ZDHHC2: variants seen among roughly 807,000 people sequenced by gnomAD.
ZDHHC2 encodes the protein zDHHC palmitoyltransferase 2, also known as palmitoyltransferase ZDHHC2.
ZDHHC2 carries 51 observed loss-of-function variants against 55.6 expected under a neutral mutation model. The observed-to-expected ratio is 0.92, with a 90% CI of 0.73 to 1.16. The LOEUF is 1.16. Among genes scored for constraint, ZDHHC2 ranks in the 50% most tolerant of loss-of-function variants. The pLI is 0.00. For missense variants in ZDHHC2, 491 were observed against 442.4 expected (o/e 1.11, Z -0.99); for synonymous variants, 199 against 152.9 (o/e 1.30, Z -2.22).
At chr8:17,219,686 A>T (rs1807823917) in intron 12 of ZDHHC2, among the ~76,000 whole-genome samples, 1 of 152,154 alleles carries the variant, frequency 6.6e-6, no homozygotes, top group Non-Finnish European at 1.5e-5. Flanking sequence ...GGATGAGAGG[A>T]TGACTTGAGC....
At chr8:17,197,865 C>T (rs1806402318) in intron 5 of ZDHHC2, among the ~76,000 whole-genome samples, 1 of 152,172 alleles carries the variant, frequency 6.6e-6, no homozygotes, top group South Asian at 2.1e-4. Flanking sequence ...TCACGGTGCC[C>T]TGAAGTATGT....
intron 2 of ZDHHC2, 37 bp downstream of exon 2, chr8:17,184,852 A>G (rs1407088651): frequency 4.0e-6 from 6 of 1,497,740 alleles, no homozygotes; most frequent in Non-Finnish European, 5.4e-6. Flanking sequence ...GATTTTTTAA[A>G]TAGTTTGAAA....
chr8:17,216,973 GGAGA>G lies in ZDHHC2; in HGVS notation c.1064-194_1064-191del, dbSNP rs1476403006. ...CTGTTTTTAGTGTTTTGTGTGTGTG[GGAGA>G]GAGATAGTGGTTGTAACTGACACTG... On this transcript the variant is annotated intron_variant, in intron 11 of 12. Coordinates refer to ENST00000262096, the MANE Select transcript of ZDHHC2 (RefSeq NM_016353.5). Among the ~76,000 whole-genome samples, 7 of 152,102 alleles carry G rather than the reference GGAGA, an allele frequency of 4.6e-5. No individual in the cohort carries two copies. The East Asian group carries it at 1.4e-3, about 29-fold the overall frequency.
rs375975190 is a variant in ZDHHC2, at chr8:17,205,738, C to T, written c.560C>T (p.Ala187Val). The change falls in exon 7 of 13, where the codon GCG becomes GTG. Residue 187 changes from alanine to valine, a missense_variant. Ala to Val is a moderately conservative substitution (Grantham distance 64). Transcript: ENST00000262096. ...TCTCTGCTCTACTGCCTTTTTATTG[C>T]GGCAACAGATTTACAGTATTTTATC... ...AYSLLYCLFIAATDLQYFIKF... is the reference protein window; with the variant it reads ...AYSLLYCLFIVATDLQYFIKF... 315 of 1,607,874 alleles carry T rather than the reference C, an allele frequency of 2.0e-4. 4 individuals are homozygous for T. In the South Asian group the frequency reaches 2.3e-3, roughly 12 times the overall value.
At chr8:17,198,572 G>A (rs1312631125) in intron 6 of ZDHHC2, among the ~76,000 whole-genome samples, 159 bp downstream of exon 6, 3 of 152,160 alleles carry the variant, frequency 2.0e-5, no homozygotes, top group Non-Finnish European at 2.9e-5. Flanking sequence ...ACTTAAAAGA[G>A]CCTTTATTTA....
intron 3 of ZDHHC2, 101 bp from the exon 4 acceptor site, chr8:17,195,403 C>G (rs1427724902): frequency 6.0e-5 from 80 of 1,325,478 alleles, no homozygotes; most frequent in Non-Finnish European, 7.9e-5. Context: ...TACAATATAC[C>G]ATTAATATTT....
intron 1 of ZDHHC2, among the ~76,000 whole-genome samples, chr8:17,178,149 G>T (rs1805243420): frequency 6.6e-6 from 1 of 152,116 alleles, no homozygotes; most frequent in Non-Finnish European, 1.5e-5. Context: ...ATGACTAAAA[G>T]TTCAACTAGA....
At chr8:17,218,298 T>C (rs1291209509) in intron 12 of ZDHHC2, among the ~76,000 whole-genome samples, 2 of 152,176 alleles carry the variant, frequency 1.3e-5, no homozygotes, top group African/African-American at 2.4e-5. Flanking sequence ...ATGAATGTAA[T>C]TTTAGAGTAT....
intron 1 of ZDHHC2, among the ~76,000 whole-genome samples, chr8:17,160,108 C>T (rs1804260610): frequency 6.6e-6 from 1 of 152,212 alleles, no homozygotes; most frequent in Non-Finnish European, 1.5e-5. Flanking sequence ...TTACAGATCC[C>T]TTATGGCTGC....
At chr8:17,185,024 C>T (rs1805639031) in intron 2 of ZDHHC2, among the ~76,000 whole-genome samples, 1 of 152,142 alleles carries the variant, frequency 6.6e-6, no homozygotes, top group Admixed American at 6.5e-5. Context: ...GTCATTGTGC[C>T]AGAGATTCTT....
At chr8:17,203,975 T>C (rs777816956) in intron 6 of ZDHHC2, among the ~76,000 whole-genome samples, 2 of 151,782 alleles carry the variant, frequency 1.3e-5, no homozygotes, top group Non-Finnish European at 2.9e-5. Context: ...GCCCAGCTAA[T>C]TTTTGTATTT....
intron 1 of ZDHHC2, among the ~76,000 whole-genome samples, chr8:17,169,722 TA>T: frequency 6.6e-6 from 1 of 152,144 alleles, no homozygotes; most frequent in East Asian, 1.9e-4. Context: ...ATGATTTTAG[TA>T]AGAGAAAGCA....
chr8:17,164,057 G>C (rs984247779), intron 1 of ZDHHC2, among the ~76,000 whole-genome samples: 2 of 152,124 alleles, frequency 1.3e-5, no homozygotes, highest in Admixed American at 6.5e-5. Context: ...AGGAGGCGCT[G>C]GGTAGGATGC....
chr8:17,170,492 G>T (rs1006946847), intron 1 of ZDHHC2, among the ~76,000 whole-genome samples: 1 of 152,134 alleles, frequency 6.6e-6, no homozygotes, highest in South Asian at 2.1e-4. Context: ...ATAATTTTAT[G>T]AACCTAGAAA....
chr8:17,193,546 A>G (rs905823497), intron 3 of ZDHHC2, among the ~76,000 whole-genome samples: 1 of 152,172 alleles, frequency 6.6e-6, no homozygotes, highest in African/African-American at 2.4e-5. Context: ...TGCCTCCCCC[A>G]TCTGCGTTTG....
intron 1 of ZDHHC2, among the ~76,000 whole-genome samples, chr8:17,171,063 C>T (rs1804829938): frequency 6.6e-6 from 1 of 152,064 alleles, no homozygotes. Flanking sequence ...TAGTATCCAC[C>T]ATAGACTTAC....
At chr8:17,198,535 T>C (rs1806443722) in intron 6 of ZDHHC2, 122 bp downstream of exon 6, 4 of 859,408 alleles carry the variant, frequency 4.7e-6, no homozygotes, top group Admixed American at 3.8e-5. Flanking sequence ...GCAGGAACTT[T>C]TGGATTTAGT....
At chr8:17,172,702 C>A (rs1804919668) in intron 1 of ZDHHC2, among the ~76,000 whole-genome samples, 1 of 152,144 alleles carries the variant, frequency 6.6e-6, no homozygotes, top group Admixed American at 6.5e-5. Flanking sequence ...TTCTGTCTCT[C>A]TTAATGTCAG....
chr8:17,210,981 T>C (rs763341912), intron 10 of ZDHHC2, among the ~76,000 whole-genome samples: 21 of 152,150 alleles, frequency 1.4e-4, no homozygotes, highest in Admixed American at 7.2e-4. Context: ...AAGGATTATC[T>C]GAGCCATTTC....
Sources: gnomAD v4.1 joint callset for allele counts (sites outside exome capture counted in the v4.1 genomes callset) on GRCh38, gnomAD v4.1.1 for gene constraint, MANE v1.5 for transcripts, NCBI Gene and HGNC (gene_info 2026-07-23, HGNC 2026-07-21) for gene names.